SMARCA2: variants seen among roughly 807,000 people sequenced by gnomAD.
SMARCA2 encodes the protein SWI/SNF-related matrix-associated actin-dependent regulator of chromatin subfamily A member 2.
In SMARCA2, 61 loss-of-function variants were observed where a neutral mutation model predicts 199.8. That is an observed-to-expected ratio of 0.31 (90% CI 0.25 to 0.38). The LOEUF is 0.38. Ranked by LOEUF, SMARCA2 falls within the 10% of genes least tolerant of loss-of-function variation. SMARCA2 has a pLI of 1.00. For synonymous variants in SMARCA2, 935 were observed against 732.0 expected, an observed-to-expected ratio of 1.28 and a Z score of -4.48; for missense variants, 1,344 against 2,012.2, an observed-to-expected ratio of 0.67 and a Z score of 6.35.
At position 2,145,509 on chromosome 9, in the gene SMARCA2, G is replaced by A. The variant is rs141730308; in HGVS notation, c.3982-16177G>A. The stretch of plus-strand genomic sequence containing the variant: ...AAGGAATTTTATTGTGTGGTCAGGC[G>A]GTAGAATCATCCGTAAAGGTGACCC... On this transcript the variant is annotated intron_variant, in intron 27 of 33. Coordinates refer to ENST00000349721, the MANE Select transcript of SMARCA2 (RefSeq NM_003070.5). Among the ~76,000 whole-genome samples the A allele has an allele frequency of 5.8e-3, 885 of 152,186 alleles. 8 individuals are homozygous for A. Among genetic ancestry groups the A allele is most frequent in the African/African-American group, 0.02 (838 of 41,508 alleles).
At chr9:2,073,659 G>A in intron 12 of SMARCA2, 36 bp downstream of exon 12, 1 of 1,493,406 alleles carries the variant, frequency 6.7e-7, no homozygotes, top group South Asian at 1.2e-5. Flanking sequence ...TTATTGGTTT[G>A]AAAGTTATCA....
intron 23 of SMARCA2, among the ~76,000 whole-genome samples, chr9:2,107,137 A>T (rs1822787743): frequency 6.6e-6 from 1 of 152,188 alleles, no homozygotes; most frequent in Non-Finnish European, 1.5e-5. Context: ...AATTAAAAAA[A>T]TATTTGTTAA....
intron 18 of SMARCA2, 67 bp from the exon 19 acceptor site, chr9:2,088,431 CAT>C: frequency 1.3e-6 from 2 of 1,508,356 alleles, no homozygotes; most frequent in African/African-American, 1.4e-5. Context: ...ACATATGTAA[CAT>C]AAAGCTTTAT....
intron 29 of SMARCA2, among the ~76,000 whole-genome samples, chr9:2,175,558 A>G (rs565883992): frequency 9.8e-5 from 15 of 152,326 alleles, no homozygotes; most frequent in African/African-American, 3.1e-4. Context: ...TATGGTGATA[A>G]AAATAAAGGT....
intron 27 of SMARCA2, among the ~76,000 whole-genome samples, chr9:2,150,979 C>T (rs1374478772): frequency 2.6e-5 from 4 of 151,550 alleles, no homozygotes; most frequent in African/African-American, 9.7e-5. Flanking sequence ...AATACAGTCA[C>T]AATCTAAAGT....
intron 4 of SMARCA2, 135 bp from the exon 5 acceptor site, chr9:2,047,094 T>C (rs1226587397): frequency 6.4e-6 from 4 of 620,260 alleles, no homozygotes; most frequent in Non-Finnish European, 8.1e-6. Context: ...TTTTTTTTTT[T>C]TTCCTTCTCT....
intron 18 of SMARCA2, 39 bp from the exon 19 acceptor site, chr9:2,088,456 CCTTTT>C (rs1403916676): frequency 1.9e-6 from 3 of 1,545,790 alleles, no homozygotes; most frequent in South Asian, 2.5e-5. Context: ...TATGAAACAT[CCTTTT>C]CTTTAAAAAA....
chr9:2,112,745 T>C (rs1342302379), intron 24 of SMARCA2, among the ~76,000 whole-genome samples: 1 of 152,242 alleles, frequency 6.6e-6, no homozygotes, highest in Non-Finnish European at 1.5e-5. Flanking sequence ...CATCTGTCAC[T>C]GAACAGGACC....
intron 1 of SMARCA2, among the ~76,000 whole-genome samples, chr9:2,021,128 G>A (rs1404800486): frequency 6.6e-6 from 1 of 152,078 alleles, no homozygotes; most frequent in African/African-American, 2.4e-5. Context: ...TCAATCTTAT[G>A]CCAGTATGTC....
intron 4 of SMARCA2, chr9:2,040,533 C>CT (rs1481721698): frequency 6.5e-6 from 1 of 152,810 alleles, no homozygotes; most frequent in Non-Finnish European, 1.5e-5. Context: ...AGTCCTGTAT[C>CT]TAAGTCTCGC....
At position 2,176,063 on chromosome 9, in the gene SMARCA2, T is replaced by TAAAG. The variant is rs1404729682; in HGVS notation, c.4254-5506_4254-5503dup. On this transcript the variant is annotated intron_variant, in intron 29 of 33. Coordinates refer to ENST00000349721, the MANE Select transcript of SMARCA2 (RefSeq NM_003070.5). ...ACTCGGCTAATTTTTTTATTTTTGG[T>TAAAG]AAAGATGAGGTTTCTCCATGTTGGT... 3.9e-5 allele frequency among the ~76,000 whole-genome samples: 6 copies of TAAAG among 152,044 alleles called. No individual in the cohort carries two copies. In the South Asian group the frequency reaches 1.2e-3, roughly 32 times the overall value.
At chr9:2,015,653 G>T (rs1029352789) in intron 1 of SMARCA2, among the ~76,000 whole-genome samples, 23 of 152,188 alleles carry the variant, frequency 1.5e-4, no homozygotes, top group African/African-American at 5.5e-4. Context: ...CCCAGGCGGC[G>T]GTGGAAGAAA....
chr9:2,110,529 G>T lies in SMARCA2; in HGVS notation c.3456+112G>T. On this transcript the variant is annotated intron_variant, in intron 24 of 33. Transcript: ENST00000349721. This position sits in a 1 kb window ranked among gnomAD's most constrained non-coding sequence, Gnocchi z 4.8. ...GAGCAAATATCTAAACGAGTGGGCT[G>T]TTGCTTTCTTGGAGCCAATTCTTCT... is the stretch of plus-strand genomic sequence containing the variant. The T allele has an allele frequency of 1.2e-6, 1 of 839,444 alleles. No individual in the cohort carries two copies. Among genetic ancestry groups the T allele is most frequent in the Non-Finnish European group, 1.7e-6 (1 of 582,968 alleles). The allele number at this position is 839,444 out of a possible 1,614,324, so 52.0% of individuals were successfully genotyped here. A position where few individuals can be genotyped will look rare whatever the true frequency, so the allele number is the denominator to read the frequency against.
intron 4 of SMARCA2, chr9:2,041,596 C>T (rs867646016): frequency 2.3e-5 from 9 of 392,476 alleles, no homozygotes; most frequent in Non-Finnish European, 4.0e-5. Flanking sequence ...TTTGAGGGGA[C>T]CATAAACTTT....
At chr9:2,127,969 T>C (rs1008962378) in intron 27 of SMARCA2, among the ~76,000 whole-genome samples, 7 of 152,342 alleles carry the variant, frequency 4.6e-5, no homozygotes, top group Admixed American at 3.3e-4. Flanking sequence ...GTTCAGTTTT[T>C]TTTTTAAAGG....
At chr9:2,135,675 G>A (rs1824163263) in intron 27 of SMARCA2, among the ~76,000 whole-genome samples, 1 of 152,038 alleles carries the variant, frequency 6.6e-6, no homozygotes, top group Non-Finnish European at 1.5e-5. Context: ...CCAAGTAGCT[G>A]GGATTAAAGG....
rs750006697 is a variant in SMARCA2, at chr9:2,161,910, G to C, written c.4199+7G>C. On this transcript the variant is annotated splice_region_variant and intron_variant, in intron 28 of 33. Transcript: ENST00000349721. This position sits in a 1 kb window ranked among gnomAD's most constrained non-coding sequence, Gnocchi z 4.7. ...TGATAAACTACAAAGATAGGTGAGT[G>C]TTTGGTTCCTTCACCTTGATCATCT... 1.2e-6 allele frequency: 2 copies of C among 1,609,216 alleles called. No individual in the cohort carries two copies. Among genetic ancestry groups the C allele is most frequent in the African/African-American group, 2.7e-5 (2 of 74,810 alleles).
chr9:2,097,297 C>G, intron 20 of SMARCA2, 88 bp from the exon 21 acceptor site: 2 of 832,834 alleles, frequency 2.4e-6, no homozygotes, highest in Non-Finnish European at 2.0e-6. Context: ...GGTCCTTTGT[C>G]CTTTGTATAA....
chr9:2,123,745 A>G lies in SMARCA2; in HGVS notation c.3789A>G (p.Glu1263=). ...GGATGGACATGGACCGGCGGAGGGA[A>G]GATGCCCGGAACCCGAAACGGAAGC... The part of the protein sequence containing the change: ...FMRMDMDRRR[E]DARNPKRKPR... Residue 1263 remains glutamate, a synonymous_variant, in exon 27 of 34, where the codon GAA becomes GAG. Coordinates refer to ENST00000349721, the MANE Select transcript of SMARCA2 (RefSeq NM_003070.5). This position sits in a 1 kb window ranked among gnomAD's most constrained non-coding sequence, Gnocchi z 4.1. 1 of 1,614,114 alleles carries G rather than the reference A, an allele frequency of 6.2e-7. No homozygotes were observed. The highest frequency in any genetic ancestry group is 8.5e-7 in the Non-Finnish European group (1 of 1,180,002).
Sources: gnomAD v4.1 joint callset for allele counts (sites outside exome capture counted in the v4.1 genomes callset) on GRCh38, gnomAD v4.1.1 for gene constraint, Gnocchi (gnomAD v3.1) non-coding constraint, MANE v1.5 for transcripts, NCBI Gene and HGNC (gene_info 2026-07-23, HGNC 2026-07-21) for gene names.